The following RPS6KA3 variants were observed in gnomAD, a reference collection of about 807,000 sequenced individuals.
The protein encoded by RPS6KA3 is ribosomal protein S6 kinase alpha-3.
RPS6KA3 carries 4 observed loss-of-function variants against 67.2 expected under a neutral mutation model. The observed-to-expected ratio is 0.06, with a 90% CI of 0.03 to 0.14. RPS6KA3 has a LOEUF of 0.14. Ranked by LOEUF, RPS6KA3 falls within the 10% of genes least tolerant of loss-of-function variation. The probability of loss-of-function intolerance (pLI) is 1.00; values close to 1 mark genes in which losing one functional copy is unlikely to be tolerated. For missense variants in RPS6KA3, 204 were observed against 559.0 expected, an observed-to-expected ratio of 0.36 and a Z score of 6.40; for synonymous variants, 182 against 183.7, an observed-to-expected ratio of 0.99 and a Z score of 0.07.
At chrX:20,190,548 C>T (rs1327609838) in intron 7 of RPS6KA3, among the ~76,000 whole-genome samples, 1 of 111,506 alleles carries the variant, frequency 9.0e-6, no homozygotes, top group Non-Finnish European at 1.9e-5. Flanking sequence ...TAAATATATT[C>T]AATTAAATAG....
chrX:20,177,374 C>T (rs2067724863), intron 10 of RPS6KA3, among the ~76,000 whole-genome samples: 1 of 111,964 alleles, frequency 8.9e-6, no homozygotes, highest in African/African-American at 3.2e-5. Context: ...AGTTCTATGC[C>T]ATTTTATTAC....
intron 4 of RPS6KA3, among the ~76,000 whole-genome samples, chrX:20,200,226 G>T (rs750893985): frequency 8.9e-6 from 1 of 112,393 alleles, no homozygotes; most frequent in Admixed American, 9.4e-5. Context: ...GTGGCAGCAT[G>T]AGAGAACTGA....
chrX:20,214,129 A>G (rs1194117569), intron 2 of RPS6KA3, among the ~76,000 whole-genome samples: 1 of 111,412 alleles, frequency 9.0e-6, no homozygotes, highest in African/African-American at 3.3e-5. Context: ...GCCCTTAGCA[A>G]TATTTTCCTT....
intron 1 of RPS6KA3, among the ~76,000 whole-genome samples, chrX:20,246,073 G>A (rs1040518506): frequency 4.8e-5 from 5 of 103,673 alleles, no homozygotes; most frequent in Non-Finnish European, 5.9e-5. Flanking sequence ...AGCCGAGATC[G>A]CGTCATTGCA....
rs1468940982 is a variant in RPS6KA3 at position 20,155,393 on chromosome X, T to G, written c.*5A>C. The G allele has an allele frequency of 8.3e-7, 1 of 1,210,536 alleles. No individual in the cohort carries two copies. The highest frequency in any genetic ancestry group is 3.0e-5 in the East Asian group (1 of 33,804). On this transcript the variant is annotated 3_prime_UTR_variant, in exon 22 of 22. Coordinates refer to ENST00000379565, the MANE Select transcript of RPS6KA3 (RefSeq NM_004586.3). ...CATGGTACCAAATATCTCACTGAGG[T>G]CACTTCACAGGGCTGTTGAGGTGAT...
At chrX:20,260,079 G>A (rs2070183500) in intron 1 of RPS6KA3, among the ~76,000 whole-genome samples, 1 of 111,549 alleles carries the variant, frequency 9.0e-6, no homozygotes, top group Admixed American at 9.5e-5. Context: ...GGGGAAGGAG[G>A]TGTGACATAT....
In RPS6KA3 at chrX:20,266,585, C is replaced by T. The variant is rs1327104134; in HGVS notation, c.48G>A (p.Glu16=). 5.2e-6 allele frequency: 6 copies of T among 1,153,624 alleles called. No homozygotes were observed. Among genetic ancestry groups the T allele is most frequent in the Non-Finnish European group, 6.9e-6 (6 of 868,875 alleles). The change falls in exon 1 of 22, where the codon GAG becomes GAA. Residue 16 remains glutamate (E), a synonymous_variant. Transcript: ENST00000379565. ...TCACCTCAGCGCTGTCGGACGGGCT[C>T]TCCACAGCCATCTTCTGCCACGGGT... ...LADPWQKMAV[E]SPSDSAENGQ...
At chrX:20,177,458 A>G (rs1421074809) in intron 10 of RPS6KA3, among the ~76,000 whole-genome samples, 2 of 112,904 alleles carry the variant, frequency 1.8e-5, no homozygotes, top group Non-Finnish European at 3.7e-5. Flanking sequence ...GGTTGTGCCC[A>G]GTTTGGGGCT....
At chrX:20,202,067 C>T (rs1268223400) in intron 4 of RPS6KA3, among the ~76,000 whole-genome samples, 2 of 105,200 alleles carry the variant, frequency 1.9e-5, no homozygotes, top group Non-Finnish European at 3.9e-5. Flanking sequence ...GCAACCTCCG[C>T]CCCCCGTGTT....
intron 4 of RPS6KA3, among the ~76,000 whole-genome samples, chrX:20,202,224 C>A (rs961490884): frequency 9.1e-6 from 1 of 109,653 alleles, no homozygotes; most frequent in Non-Finnish European, 1.9e-5. Flanking sequence ...CTCAGGTGAT[C>A]TGCCTGCCTC....
At chrX:20,186,218 A>G in intron 10 of RPS6KA3, 78 bp downstream of exon 10, 1 of 694,581 alleles carries the variant, frequency 1.4e-6, no homozygotes, top group Non-Finnish European at 2.3e-6. Flanking sequence ...CTGGGATTAC[A>G]GGCATGAGCC....
At chrX:20,214,875 G>A (rs1419690822) in intron 2 of RPS6KA3, among the ~76,000 whole-genome samples, 1 of 83,020 alleles carries the variant, frequency 1.2e-5, no homozygotes, top group Non-Finnish European at 2.2e-5. Flanking sequence ...GTCTCACTCT[G>A]TCACCCACGC....
chrX:20,180,345 C>A (rs754754340), intron 10 of RPS6KA3, among the ~76,000 whole-genome samples: 13 of 110,799 alleles, frequency 1.2e-4, no homozygotes, highest in African/African-American at 4.3e-4. Context: ...CTTGCTAAAA[C>A]AGTTTAACCA....
At chrX:20,235,036 C>A (rs2069372504) in intron 1 of RPS6KA3, among the ~76,000 whole-genome samples, 1 of 111,691 alleles carries the variant, frequency 9.0e-6, no homozygotes, top group Non-Finnish European at 1.9e-5. Flanking sequence ...TCATGGAAAT[C>A]ATATAATAAA....
Position 20,266,868 on chromosome X carries a change from G to A in RPS6KA3, c.-236C>T. ...CCAGAGACGCCCGCGCGCTGAGCGA[G>A]AGCCTCGCGCCTCCGCTGGGCACCG... On this transcript the variant is annotated 5_prime_UTR_variant, in exon 1 of 22. Coordinates refer to ENST00000379565, the MANE Select transcript of RPS6KA3 (RefSeq NM_004586.3). 1 of 469,311 alleles carries A rather than the reference G, an allele frequency of 2.1e-6. No homozygotes were observed. Among genetic ancestry groups the A allele is most frequent in the Non-Finnish European group, 2.6e-6 (1 of 378,429 alleles). 38.7% of individuals were successfully genotyped at this position (469,311 alleles called of 1,213,427 possible). A position where few individuals can be genotyped will look rare whatever the true frequency, so the allele number is the denominator to read the frequency against.
chrX:20,178,985 A>G (rs1025578609), intron 10 of RPS6KA3, among the ~76,000 whole-genome samples: 1 of 110,685 alleles, frequency 9.0e-6, no homozygotes, highest in African/African-American at 3.3e-5. Flanking sequence ...GGAAGAGGTC[A>G]TAAGTGGTAG....
chrX:20,229,560 A>G (rs1396374167), intron 2 of RPS6KA3, among the ~76,000 whole-genome samples: 1 of 112,366 alleles, frequency 8.9e-6, no homozygotes, highest in South Asian at 3.7e-4. Context: ...AAATGTGTGT[A>G]GTTCTAAGCC....
intron 2 of RPS6KA3, among the ~76,000 whole-genome samples, chrX:20,226,105 C>T (rs182242008): frequency 9.0e-6 from 1 of 111,634 alleles, no homozygotes; most frequent in Non-Finnish European, 1.9e-5. Flanking sequence ...CTGCTTGAAC[C>T]TGGGAGGCGG....
At chrX:20,169,529 A>G in intron 15 of RPS6KA3, 38 bp from the exon 16 acceptor site, 1 of 812,496 alleles carries the variant, frequency 1.2e-6, no homozygotes, top group Non-Finnish European at 1.9e-6. Context: ...CTCATCAACT[A>G]TACAGTTATA....
Sources: gnomAD v4.1 joint callset for allele counts (sites outside exome capture counted in the v4.1 genomes callset) on GRCh38, gnomAD v4.1.1 for gene constraint, MANE v1.5 for transcripts, NCBI Gene and HGNC (gene_info 2026-07-23, HGNC 2026-07-21) for gene names.